CSF2RA: variants seen among roughly 807,000 people sequenced by gnomAD.
The protein encoded by CSF2RA is colony stimulating factor 2 receptor subunit alpha.
In CSF2RA, 42 loss-of-function variants were observed where a neutral mutation model predicts 51.6. That is an observed-to-expected ratio of 0.81 (90% CI 0.64 to 1.05). The LOEUF is 1.05. Ranked by LOEUF, CSF2RA falls within the 50% of genes least tolerant of loss-of-function variation. The pLI is 0.00. For missense variants in CSF2RA, 530 were observed against 501.1 expected, an observed-to-expected ratio of 1.06 and a Z score of -0.55; for synonymous variants, 222 against 193.0, an observed-to-expected ratio of 1.15 and a Z score of -1.24.
At chrX:1,305,802 C>G in intron 12 of CSF2RA, 1 of 1,548,680 alleles carries the variant, frequency 6.5e-7, no homozygotes, top group Non-Finnish European at 8.7e-7. Context: ...TAGAGAGGGC[C>G]AGGCACGGTG....
At chrX:1,323,520 C>T in the CSF2RA span, among the ~76,000 whole-genome samples, 1 of 152,134 alleles carries the variant, frequency 6.6e-6, no homozygotes, top group Non-Finnish European at 1.5e-5. Flanking sequence ...CCACAAGGAC[C>T]TCCCAGCAGC....
chrX:1,316,254 G>C, the CSF2RA span, among the ~76,000 whole-genome samples: 1 of 132,380 alleles, frequency 7.6e-6, no homozygotes, highest in Non-Finnish European at 1.6e-5. Context: ...TGATAGATTA[G>C]ATAGATGATA....
At chrX:1,298,700 T>C (rs373084748) in intron 9 of CSF2RA, among the ~76,000 whole-genome samples, 21 of 18,500 alleles carry the variant, frequency 1.1e-3, no homozygotes, top group Middle Eastern at 0.062. Flanking sequence ...ACCCATGACC[T>C]CTGGTGGAAC....
intron 10 of CSF2RA, among the ~76,000 whole-genome samples, chrX:1,301,587 CTT>C (rs1440764567): frequency 7.4e-6 from 1 of 135,656 alleles, no homozygotes; most frequent in Non-Finnish European, 1.6e-5. Context: ...CTCTCTCCCT[CTT>C]TTTTTCTTTT....
At chrX:1,289,459 T>A (rs1275888399) in intron 6 of CSF2RA, among the ~76,000 whole-genome samples, 8 of 152,086 alleles carry the variant, frequency 5.3e-5, no homozygotes, top group Admixed American at 5.2e-4. Flanking sequence ...TGTTTTGTGT[T>A]TTTTGTTTTG....
At chrX:1,314,423 C>CCCAACCGCACTGCACT (rs1569514842), downstream of CSF2RA, among the ~76,000 whole-genome samples, 434 of 147,874 alleles carry the variant, frequency 2.9e-3, 3 homozygotes, top group African/African-American at 0.011. Flanking sequence ...CGTACTGCAC[C>CCCAACCGCACTGCACT]TGCCCAACCG....
In CSF2RA at chrX:1,288,832, G is replaced by T. The variant is rs368729326; in HGVS notation, c.417G>T (p.Ala139=). The T allele has an allele frequency of 6.2e-7, 1 of 1,613,908 alleles. No individual in the cohort carries two copies. Among genetic ancestry groups the T allele is most frequent in the African/African-American group, 1.3e-5 (1 of 75,012 alleles). ...CGGATTTAATGAACTGTACCTGGGC[G>T]AGGGGTCCGACGGCCCCCCGTGACG... is the stretch of plus-strand genomic sequence containing the variant. ...YNADLMNCTW[A]RGPTAPRDVQ... is the part of the protein sequence containing the mutation. Residue 139 remains alanine (A), a synonymous_variant, in exon 6 of 13, where the codon GCG becomes GCT. Coordinates refer to ENST00000381529, the MANE Select transcript of CSF2RA (RefSeq NM_172245.4).
Position 1,288,504 on chromosome X carries a change from G to C in CSF2RA, c.220-15G>C. 3 of 1,613,902 alleles carry C rather than the reference G, an allele frequency of 1.9e-6. No homozygotes were observed. Among genetic ancestry groups the C allele is most frequent in the Non-Finnish European group, 2.5e-6 (3 of 1,179,852 alleles). On this transcript the variant is annotated splice_polypyrimidine_tract_variant and intron_variant, in intron 4 of 12. Coordinates refer to ENST00000381529, the MANE Select transcript of CSF2RA (RefSeq NM_172245.4). ...GTTGTTTCCTAATCGGCTCTGTCTG[G>C]TTGCAATTCTTCAGCTCAGTAACAA...
At chrX:1,314,945 CCCTCT>C (rs1204049531), downstream of CSF2RA, among the ~76,000 whole-genome samples, 1 of 110,100 alleles carries the variant, frequency 9.1e-6, no homozygotes, top group Admixed American at 8.9e-5. Context: ...CTTGCCCAAC[CCCTCT>C]GTGCCTGCCC....
chrX:1,281,250 T>C (rs1263730638), intron 2 of CSF2RA, among the ~76,000 whole-genome samples: 209 of 63,892 alleles, frequency 3.3e-3, no homozygotes, highest in South Asian at 4.5e-3. Flanking sequence ...CCTTCTCCTC[T>C]TCCTTCTTCT....
At chrX:1,274,643 A>G (rs1347566749) in intron 1 of CSF2RA, 112 bp from the exon 2 acceptor site, 6 of 368,122 alleles carry the variant, frequency 1.6e-5, no homozygotes, top group South Asian at 8.1e-5. Flanking sequence ...TAATTTTTAA[A>G]ACCTTTGTAG....
intron 10 of CSF2RA, among the ~76,000 whole-genome samples, chrX:1,301,711 C>G (rs1667716912): frequency 6.7e-6 from 1 of 150,304 alleles, no homozygotes; most frequent in African/African-American, 2.4e-5. Flanking sequence ...ATTCTCCTGC[C>G]TCAGCCTCCC....
At chrX:1,275,382 G>T (rs1372542395) in intron 2 of CSF2RA, among the ~76,000 whole-genome samples, 1 of 151,614 alleles carries the variant, frequency 6.6e-6, no homozygotes, top group Non-Finnish European at 1.5e-5. Context: ...CAGAGCGACA[G>T]TCCGTCCCAA....
intron 12 of CSF2RA, among the ~76,000 whole-genome samples, chrX:1,309,181 G>T (rs1303122454): frequency 6.6e-6 from 1 of 152,288 alleles, no homozygotes; most frequent in African/African-American, 2.4e-5. Flanking sequence ...AATTTGTGGT[G>T]GCGGGCGCCT....
chrX:1,281,908 G>A (rs1463503055), intron 2 of CSF2RA: 2 of 138,508 alleles, frequency 1.4e-5, no homozygotes, highest in Non-Finnish European at 3.1e-5. Context: ...AAATATAAAA[G>A]AGCAGGGCCG....
chrX:1,288,224 G>A (rs1215698871), intron 4 of CSF2RA, among the ~76,000 whole-genome samples: 1 of 151,366 alleles, frequency 6.6e-6, no homozygotes, highest in African/African-American at 2.4e-5. Context: ...GCTCACGCCT[G>A]TAATCCCAGC....
At chrX:1,314,365 T>TCTGCCCAACCACTCTGTGC (rs1200982286), downstream of CSF2RA, among the ~76,000 whole-genome samples, 1 of 94,542 alleles carries the variant, frequency 1.1e-5, no homozygotes, top group African/African-American at 5.1e-5. Flanking sequence ...CCCCACTGCA[T>TCTGCCCAACCACTCTGTGC]CTGCCCAACC....
intron 10 of CSF2RA, 109 bp downstream of exon 10, chrX:1,300,735 C>T (rs28497859): frequency 5.3e-4 from 744 of 1,409,376 alleles, no homozygotes; most frequent in Non-Finnish European, 6.6e-4. Context: ...TTGAGCACGT[C>T]GCTGGGAGTA....
intron 11 of CSF2RA, among the ~76,000 whole-genome samples, chrX:1,304,871 G>A (rs2083399708): frequency 6.7e-6 from 1 of 148,342 alleles, no homozygotes; most frequent in Non-Finnish European, 1.5e-5. Context: ...CACCACGTTG[G>A]CCAGGCTGGT....
Sources: gnomAD v4.1 joint callset for allele counts (sites outside exome capture counted in the v4.1 genomes callset) on GRCh38, gnomAD v4.1.1 for gene constraint, MANE v1.5 for transcripts, NCBI Gene and HGNC (gene_info 2026-07-23, HGNC 2026-07-21) for gene names.